DPH6: variants seen among roughly 807,000 people sequenced by gnomAD.
DPH6 encodes the protein diphthine--ammonia ligase.
Under a neutral mutation model 38.2 loss-of-function variants are expected in DPH6, and 33 were observed. That is an observed-to-expected ratio of 0.86 (90% confidence interval 0.65 to 1.15). DPH6 has a LOEUF of 1.15. Ranked by LOEUF, DPH6 falls within the 50% of genes most tolerant of loss-of-function variation. The pLI is 0.00. For missense variants in DPH6, 325 were observed against 320.0 expected (o/e 1.02, Z -0.12); for synonymous variants, 108 against 103.0 (o/e 1.05, Z -0.30).
At chr15:35,250,205 A>G (rs2051663695) in intron 3 of DPH6, among the ~76,000 whole-genome samples, 2 of 151,484 alleles carry the variant, frequency 1.3e-5, no homozygotes, top group Admixed American at 1.3e-4. Context: ...AAAAAACAAA[A>G]AACAAAAAAA....
the DPH6 span, among the ~76,000 whole-genome samples, chr15:35,148,131 C>T: frequency 6.6e-6 from 1 of 152,290 alleles, no homozygotes; most frequent in South Asian, 2.1e-4. Context: ...AGTTAAATAA[C>T]AAGACCAATG....
rs75353826 is a variant in DPH6, at chr15:35,445,865, T to C, written c.505+4820A>G. 3.2e-4 allele frequency among the ~76,000 whole-genome samples: 48 copies of C among 152,374 alleles called. No homozygotes were observed. In the East Asian group the frequency reaches 8.7e-3, roughly 28 times the overall value. On this transcript the variant is annotated intron_variant, in intron 5 of 8. Coordinates refer to ENST00000256538, the MANE Select transcript of DPH6 (RefSeq NM_080650.4). ...GCTAGTGTCTGCTTAAAATACTATG[T>C]GATGCTAATCATCTCTGCATGAGCA...
the DPH6 span, among the ~76,000 whole-genome samples, chr15:35,165,363 A>T: frequency 6.6e-6 from 1 of 151,918 alleles, no homozygotes; most frequent in African/African-American, 2.4e-5. Context: ...TGATTTACTT[A>T]TAGAGAACTA....
chr15:35,508,094 C>T (rs2054720183), intron 3 of DPH6, among the ~76,000 whole-genome samples: 1 of 151,952 alleles, frequency 6.6e-6, no homozygotes, highest in African/African-American at 2.4e-5. Context: ...CTGTGCAGCC[C>T]CTGGTTAATT....
chr15:35,488,714 C>G (rs1293764109), intron 3 of DPH6, among the ~76,000 whole-genome samples: 1 of 151,878 alleles, frequency 6.6e-6, no homozygotes, highest in Non-Finnish European at 1.5e-5. Flanking sequence ...AAAAAGAAAA[C>G]AGGAATTGTA....
At chr15:35,338,118 T>C (rs1219728292) in intron 3 of DPH6, among the ~76,000 whole-genome samples, 2 of 152,140 alleles carry the variant, frequency 1.3e-5, no homozygotes, top group Admixed American at 6.6e-5. Context: ...GACATAGGCA[T>C]GGGCAAGGAC....
intron 3 of DPH6, among the ~76,000 whole-genome samples, chr15:35,458,325 A>C (rs1165480722): frequency 1.3e-5 from 2 of 152,092 alleles, no homozygotes; most frequent in Non-Finnish European, 1.5e-5. Flanking sequence ...ATGACTTCTC[A>C]AGACTAGCCT....
intron 3 of DPH6, among the ~76,000 whole-genome samples, chr15:35,356,877 A>T (rs144987028): frequency 0.03 from 4,605 of 152,242 alleles, 235 homozygotes; most frequent in African/African-American, 0.11. Flanking sequence ...CCCTGCCCCC[A>T]GAGGTGGAGT....
chr15:35,436,204 T>A (rs73380710), intron 5 of DPH6, among the ~76,000 whole-genome samples: 1 of 151,780 alleles, frequency 6.6e-6, no homozygotes, highest in Non-Finnish European at 1.5e-5. Context: ...CGGTGGCTCA[T>A]GCCTGTAATC....
At chr15:35,242,372 C>G (rs553922286) in intron 3 of DPH6, among the ~76,000 whole-genome samples, 4,231 of 141,942 alleles carry the variant, frequency 0.03, 527 homozygotes, top group African/African-American at 0.1. Context: ...GCCTTTCTGT[C>G]CAAACAACTT....
intron 3 of DPH6, chr15:35,237,215 G>A (rs1237353549): frequency 2.2e-6 from 2 of 908,812 alleles, no homozygotes; most frequent in African/African-American, 1.6e-5. Flanking sequence ...CGGGGGTGCT[G>A]GGGGCTCGAG....
intron 6 of DPH6, among the ~76,000 whole-genome samples, chr15:35,406,151 T>C (rs1011249950): frequency 6.6e-6 from 1 of 152,002 alleles, no homozygotes; most frequent in African/African-American, 2.4e-5. Context: ...AACCTTACAG[T>C]AGTGAGCTTT....
intron 3 of DPH6, among the ~76,000 whole-genome samples, chr15:35,348,169 CTA>C (rs1203237073): frequency 1.3e-5 from 2 of 152,128 alleles, no homozygotes; most frequent in African/African-American, 4.8e-5. Flanking sequence ...TCCCATTCAT[CTA>C]TGTTTACTTT....
At chr15:35,246,600 G>T (rs540594235) in intron 3 of DPH6, among the ~76,000 whole-genome samples, 1 of 152,150 alleles carries the variant, frequency 6.6e-6, no homozygotes, top group African/African-American at 2.4e-5. Flanking sequence ...CATGATACAG[G>T]CATTTAAATG....
chr15:35,384,275 T>C (rs2052913163), intron 6 of DPH6, among the ~76,000 whole-genome samples: 1 of 152,236 alleles, frequency 6.6e-6, no homozygotes, highest in Non-Finnish European at 1.5e-5. Context: ...GTTTAATTTC[T>C]CAATGAATTT....
intron 3 of DPH6, among the ~76,000 whole-genome samples, chr15:35,223,637 G>C (rs2051457958): frequency 6.6e-6 from 1 of 151,902 alleles, no homozygotes; most frequent in African/African-American, 2.4e-5. Context: ...AGTGAGCGGA[G>C]ATCGCGCCAC....
Position 35,286,662 on chromosome 15 carries a change from T to C in DPH6, n.201-66080A>G, listed in dbSNP as rs549325011. Among the ~76,000 whole-genome samples the C allele has an allele frequency of 2.6e-5, 4 of 152,354 alleles. No individual in the cohort carries two copies. In the South Asian group the frequency reaches 8.3e-4, roughly 32 times the overall value. On this transcript the variant is annotated intron_variant and non_coding_transcript_variant, in intron 3 of 3. Coordinates refer to the DPH6 transcript ENST00000560386. Reference sequence around the variant, plus strand: ...AAATATTGATCTATCCAGTACATTATCTTGTTTATTCAATTTAGAAAACTT... The same window carrying C: ...AAATATTGATCTATCCAGTACATTACCTTGTTTATTCAATTTAGAAAACTT...
At chr15:35,372,445 A>G (rs374057743) in intron 8 of DPH6, 6 of 301,510 alleles carry the variant, frequency 2.0e-5, no homozygotes, top group African/African-American at 8.7e-5. Flanking sequence ...ATGCCTACAC[A>G]TGAATTCAGT....
intron 3 of DPH6, among the ~76,000 whole-genome samples, chr15:35,527,711 C>T (rs1032858898): frequency 3.9e-5 from 6 of 151,976 alleles, no homozygotes; most frequent in Admixed American, 2.0e-4. Context: ...AGGCATGGAC[C>T]GTATGGGGAA....
Sources: gnomAD v4.1 joint callset for allele counts (sites outside exome capture counted in the v4.1 genomes callset) on GRCh38, gnomAD v4.1.1 for gene constraint, MANE v1.5 for transcripts, NCBI Gene and HGNC (gene_info 2026-07-23, HGNC 2026-07-21) for gene names.